Variants in ATM observed in about 807,000 individuals in gnomAD.
ATM encodes the protein ATM serine/threonine kinase, also known as serine-protein kinase ATM.
In ATM, 308 loss-of-function variants were observed where a neutral mutation model predicts 387.0. The ratio of observed to expected loss-of-function variants is 0.80; its 90% CI spans 0.73 to 0.87. ATM has a LOEUF of 0.87. Among genes scored for constraint, ATM ranks in the 40% least tolerant of loss-of-function variants. ATM has a pLI of 0.00. For synonymous variants in ATM, 1,156 were observed against 1,187.3 expected, an observed-to-expected ratio of 0.97 and a Z score of 0.54; for missense variants, 3,312 against 3,560.9, an observed-to-expected ratio of 0.93 and a Z score of 1.78.
intron 4 of ATM, 54 bp downstream of exon 4, chr11:108,229,377 A>AG (rs2078900487): frequency 1.1e-5 from 12 of 1,092,322 alleles, no homozygotes; most frequent in Non-Finnish European, 1.5e-5. Context: ...CTGTCGCGTG[A>AG]GTTTTTTTTT....
chr11:108,238,844 CT>C (rs1343246259), intron 5 of ATM, among the ~76,000 whole-genome samples: 2 of 151,726 alleles, frequency 1.3e-5, no homozygotes, highest in African/African-American at 4.8e-5. Context: ...ATAATTTTAA[CT>C]TTTTTAAGTG....
chr11:108,317,652 T>TATATATATATATATATACACACAC (rs1399501257), intron 43 of ATM, 131 bp downstream of exon 43: 1 of 117,468 alleles, frequency 8.5e-6, no homozygotes, highest in African/African-American at 5.1e-5. Context: ...TATATATATA[T>TATATATATATATATATACACACAC]ACACACACAC....
intron 56 of ATM, among the ~76,000 whole-genome samples, chr11:108,338,194 C>CA (rs1395733251): frequency 1.3e-5 from 2 of 151,028 alleles, no homozygotes; most frequent in Non-Finnish European, 3.0e-5. Flanking sequence ...ACTAAAAATA[C>CA]AAAAAAATTA....
chr11:108,365,784 T>G lies in ATM; in HGVS notation c.*276T>G, dbSNP rs897821155. On this transcript the variant is annotated 3_prime_UTR_variant, in exon 63 of 63. Coordinates refer to ENST00000675843, the MANE Select transcript of ATM (RefSeq NM_000051.4). The stretch of plus-strand genomic sequence containing the variant: ...ATCCCAGCACTTTGGGAGGCCGAGG[T>G]GAGCGGATCACAAGGTCAGGAGTTC... 7.6e-5 allele frequency: 33 copies of G among 433,114 alleles called. No individual in the cohort carries two copies. Among genetic ancestry groups the G allele is most frequent in the Non-Finnish European group, 1.2e-4 (28 of 236,552 alleles). The allele number at this position is 433,114 out of a possible 1,614,324, so 26.8% of individuals were successfully genotyped here. A position where few individuals can be genotyped will look rare whatever the true frequency, so the allele number is the denominator to read the frequency against.
At chr11:108,337,717 G>A (rs1335944910) in intron 56 of ATM, among the ~76,000 whole-genome samples, 1 of 152,204 alleles carries the variant, frequency 6.6e-6, no homozygotes, top group African/African-American at 2.4e-5. Flanking sequence ...TGTAGAGATT[G>A]CTAAGAAGTT....
In ATM at chr11:108,358,060, G is replaced by A. The variant is rs558450725; in HGVS notation, c.8850+3186G>A. Among the ~76,000 whole-genome samples the A allele has an allele frequency of 3.7e-4, 54 of 147,484 alleles. No individual in the cohort carries two copies. In the East Asian group the frequency reaches 1.0e-2, roughly 27 times the overall value. On this transcript the variant is annotated intron_variant, in intron 61 of 62. Coordinates refer to ENST00000675843, the MANE Select transcript of ATM (RefSeq NM_000051.4). ...TGACAACTTTGAAAAAAATTTAGAA[G>A]AATGTATAACTAGAATAACCAATAC...
At chr11:108,297,085 T>TCTGTATC in intron 32 of ATM, 1 of 562,280 alleles carries the variant, frequency 1.8e-6, no homozygotes, top group South Asian at 2.1e-5. Context: ...TTGTCACATA[T>TCTGTATC]TGCTAATCAC....
chr11:108,347,418 T>A (rs2088581472), intron 59 of ATM, 53 bp downstream of exon 59: 5 of 1,395,866 alleles, frequency 3.6e-6, no homozygotes, highest in Non-Finnish European at 4.1e-6. Context: ...TTGGTCATCA[T>A]GGAATGTTGT....
rs1433554922 is a variant in ATM at position 108,325,377 on chromosome 11, G to A, written c.6640G>A (p.Asp2214Asn). ...KWQKHSQLLK[D>N]SDFSFQEPIM... Reference sequence around the variant, plus strand: ...GCAGAAACACTCCCAGCTTCTCAAGGACAGTGATTTTAGTTTTCAGGAGCC... The same window carrying A: ...GCAGAAACACTCCCAGCTTCTCAAGAACAGTGATTTTAGTTTTCAGGAGCC... Residue 2214 changes from aspartate to asparagine, a missense_variant, in exon 46 of 63, where the codon GAC becomes AAC. Physicochemically the swap from Asp to Asn is conservative, Grantham distance 23 (BLOSUM62 1). Transcript: ENST00000675843. 1 of 1,613,094 alleles carries A rather than the reference G, an allele frequency of 6.2e-7. No homozygotes were observed.
At position 108,324,238 on chromosome 11, in the gene ATM, G is replaced by A. The variant is rs181904680; in HGVS notation, c.6573-1072G>A. Among the ~76,000 whole-genome samples the A allele has an allele frequency of 4.2e-3, 636 of 152,150 alleles. 8 individuals carry two copies. Among genetic ancestry groups the A allele is most frequent in the African/African-American group, 0.015 (603 of 41,536 alleles). On this transcript the variant is annotated intron_variant, in intron 45 of 62. Coordinates refer to ENST00000675843, the MANE Select transcript of ATM (RefSeq NM_000051.4). ...AATAAAAGCACAATCTAGAGGTTACGTGTAATAGGAAAATGCCCTGCCATT... is the reference window on the plus strand; with the variant it reads ...AATAAAAGCACAATCTAGAGGTTACATGTAATAGGAAAATGCCCTGCCATT...
chr11:108,285,698 A>G (rs1291333216), intron 26 of ATM, among the ~76,000 whole-genome samples: 1 of 152,082 alleles, frequency 6.6e-6, no homozygotes, highest in Admixed American at 6.5e-5. Flanking sequence ...CCTATTCAGA[A>G]CTGGTTGTAA....
At position 108,316,135 on chromosome 11, in the gene ATM, G is replaced by T. The variant is rs772285831; in HGVS notation, c.6198+22G>T. Reference sequence around the variant, plus strand: ...TCAGGTACATTTTTTCCCAGATTTGGTAAAGCCATCACTAGTGTAGTGCTG... The same window carrying T: ...TCAGGTACATTTTTTCCCAGATTTGTTAAAGCCATCACTAGTGTAGTGCTG... On this transcript the variant is annotated intron_variant, in intron 42 of 62. Coordinates refer to ENST00000675843, the MANE Select transcript of ATM (RefSeq NM_000051.4). 5 of 1,603,116 alleles carry T rather than the reference G, an allele frequency of 3.1e-6. No individual in the cohort carries two copies. The Admixed American group carries it at 5.0e-5, about 16-fold the overall frequency.
At chr11:108,246,770 C>G (rs972659582) in intron 7 of ATM, among the ~76,000 whole-genome samples, 194 bp from the exon 8 acceptor site, 2 of 152,152 alleles carry the variant, frequency 1.3e-5, no homozygotes, top group Non-Finnish European at 2.9e-5. Flanking sequence ...ACACAGTTAT[C>G]TAAATGTAAA....
intron 22 of ATM, among the ~76,000 whole-genome samples, chr11:108,276,742 G>A (rs201966996): frequency 2.0e-5 from 3 of 152,208 alleles, no homozygotes; most frequent in South Asian, 2.1e-4. Context: ...GGGAAGGTTC[G>A]TCCCAGAGCG....
chr11:108,282,158 C>T (rs2082267724), intron 24 of ATM, among the ~76,000 whole-genome samples: 1 of 150,084 alleles, frequency 6.7e-6, no homozygotes, highest in Non-Finnish European at 1.5e-5. Context: ...GACGGAGTCT[C>T]GCTCTGTCGC....
At chr11:108,245,617 A>T (rs2079808659) in intron 7 of ATM, among the ~76,000 whole-genome samples, 1 of 151,870 alleles carries the variant, frequency 6.6e-6, no homozygotes, top group African/African-American at 2.4e-5. Flanking sequence ...ATACCAAGAG[A>T]GTATTGCCCA....
intron 45 of ATM, among the ~76,000 whole-genome samples, chr11:108,323,375 T>C (rs906655734): frequency 1.3e-5 from 2 of 152,080 alleles, no homozygotes; most frequent in Admixed American, 6.6e-5. Flanking sequence ...GTGAATAGAA[T>C]GGTAGTAACC....
intron 36 of ATM, among the ~76,000 whole-genome samples, chr11:108,304,207 T>A (rs2083562870): frequency 6.6e-6 from 1 of 152,248 alleles, no homozygotes; most frequent in South Asian, 2.1e-4. Flanking sequence ...TAAACATTTT[T>A]AACATGACTG....
chr11:108,335,798 TA>T, intron 55 of ATM, 46 bp from the exon 56 acceptor site: 1 of 1,488,338 alleles, frequency 6.7e-7, no homozygotes. Context: ...TGTGTTTTTA[TA>T]ATAAAATAAA....
Sources: gnomAD v4.1 joint callset for allele counts (sites outside exome capture counted in the v4.1 genomes callset) on GRCh38, gnomAD v4.1.1 for gene constraint, MANE v1.5 for transcripts, NCBI Gene and HGNC (gene_info 2026-07-23, HGNC 2026-07-21) for gene names.